DENND1B: variants seen among roughly 807,000 people sequenced by gnomAD.
DENND1B encodes the protein DENN domain-containing protein 1B.
DENND1B carries 59 observed loss-of-function variants against 90.1 expected under a neutral mutation model. The ratio of observed to expected loss-of-function variants is 0.65; its 90% CI spans 0.53 to 0.81. DENND1B has a LOEUF of 0.81. Ranked by LOEUF, DENND1B falls within the 40% of genes least tolerant of loss-of-function variation. DENND1B has a pLI of 0.00. For missense variants in DENND1B, 862 were observed against 912.6 expected (o/e 0.94, Z 0.71); for synonymous variants, 337 against 324.6 (o/e 1.04, Z -0.41).
intron 2 of DENND1B, among the ~76,000 whole-genome samples, chr1:197,732,172 C>T (rs897072451): frequency 1.3e-5 from 2 of 152,054 alleles, no homozygotes; most frequent in Non-Finnish European, 2.9e-5. Flanking sequence ...TTTTGTAATG[C>T]CATCCTTCTA....
chr1:197,589,043 T>A (rs1270208392), intron 14 of DENND1B, among the ~76,000 whole-genome samples: 1 of 152,156 alleles, frequency 6.6e-6, no homozygotes, highest in Non-Finnish European at 1.5e-5. Context: ...GGAACTAATT[T>A]TTCTAAATTA....
chr1:197,580,420 C>A (rs114595281), intron 15 of DENND1B, among the ~76,000 whole-genome samples: 2 of 151,784 alleles, frequency 1.3e-5, no homozygotes, highest in Non-Finnish European at 2.9e-5. Flanking sequence ...TGAGTCACTG[C>A]GCCTGGCCCT....
At chr1:197,545,715 C>G (rs1670763109) in intron 18 of DENND1B, 1 of 452,974 alleles carries the variant, frequency 2.2e-6, no homozygotes, top group Non-Finnish European at 3.9e-6. Context: ...AAATGAGAAC[C>G]ATTTTTAGAT....
rs892015593 is a variant in DENND1B, at chr1:197,747,095, G to A, written c.82+25773C>T. ...TTCCACTGGGTTTCATTTGAGAACT[G>A]TTCACTGTGAGATTCTTTTTCATTC... On this transcript the variant is annotated intron_variant, in intron 2 of 22. Coordinates refer to ENST00000620048, the MANE Select transcript of DENND1B (RefSeq NM_001195215.2). 5.2e-6 allele frequency: 4 copies of A among 774,008 alleles called. No homozygotes were observed. The East Asian group carries it at 7.4e-5, about 14-fold the overall frequency. 47.9% of individuals were successfully genotyped at this position (774,008 alleles called of 1,614,324 possible).
At chr1:197,615,181 T>C (rs945553642) in intron 11 of DENND1B, among the ~76,000 whole-genome samples, 2 of 151,128 alleles carry the variant, frequency 1.3e-5, no homozygotes, top group African/African-American at 4.8e-5. Flanking sequence ...TTGCTATCTG[T>C]GAATCTTGCA....
intron 3 of DENND1B, among the ~76,000 whole-genome samples, chr1:197,678,227 T>C (rs189148200): frequency 3.3e-5 from 5 of 152,310 alleles, no homozygotes; most frequent in African/African-American, 4.8e-5. Context: ...ACGAGTGAAG[T>C]ATATTATATT....
At chr1:197,601,151 G>A (rs1293870211) in intron 13 of DENND1B, among the ~76,000 whole-genome samples, 1 of 151,652 alleles carries the variant, frequency 6.6e-6, no homozygotes, top group Admixed American at 6.6e-5. Flanking sequence ...TAAACTCTAT[G>A]AAATCAGGGT....
intron 3 of DENND1B, among the ~76,000 whole-genome samples, chr1:197,675,814 T>A (rs1011722874): frequency 7.9e-5 from 12 of 152,078 alleles, no homozygotes; most frequent in Non-Finnish European, 1.8e-4. Flanking sequence ...CAAAATTCAA[T>A]ATCTCCCTCT....
In DENND1B at chr1:197,732,863, G is replaced by A. The variant is rs77715322; in HGVS notation, c.83-17789C>T. ...CAATATAAGATCAGACAGAGCCTCC[G>A]GATTCTTTGTACACTAAGATGCAAC... is the stretch of plus-strand genomic sequence containing the variant. On this transcript the variant is annotated intron_variant, in intron 2 of 22. Coordinates refer to ENST00000620048, the MANE Select transcript of DENND1B (RefSeq NM_001195215.2). 8.4e-3 allele frequency among the ~76,000 whole-genome samples: 1,284 copies of A among 152,178 alleles called. 19 individuals carry two copies. Among genetic ancestry groups the A allele is most frequent in the African/African-American group, 0.028 (1,179 of 41,522 alleles).
intron 13 of DENND1B, among the ~76,000 whole-genome samples, chr1:197,597,024 C>T (rs1377266861): frequency 6.6e-6 from 1 of 151,240 alleles, no homozygotes; most frequent in African/African-American, 2.4e-5. Flanking sequence ...AGGTCTTCTC[C>T]CCATAGCTGT....
chr1:197,696,643 T>C (rs1255857976), intron 3 of DENND1B, among the ~76,000 whole-genome samples: 4 of 151,544 alleles, frequency 2.6e-5, no homozygotes, highest in Non-Finnish European at 5.9e-5. Flanking sequence ...AAATTTAAGG[T>C]GAAACACCAC....
In DENND1B at chr1:197,507,731, A is replaced by G. The variant is rs557469800; in HGVS notation, c.*2729T>C. Reference sequence around the variant, plus strand: ...ATAGAAAATATGGGCACTGTAGAATATAACACTTTCCTTTATTTCGGAACT... The same window carrying G: ...ATAGAAAATATGGGCACTGTAGAATGTAACACTTTCCTTTATTTCGGAACT... On this transcript the variant is annotated 3_prime_UTR_variant, in exon 23 of 23. Transcript: ENST00000620048. 10 of 151,666 alleles carry G rather than the reference A, an allele frequency of 6.6e-5. No homozygotes were observed. The highest frequency in any genetic ancestry group is 2.6e-4 in the Admixed American group (4 of 15,172). 9.4% of individuals were successfully genotyped at this position (151,666 alleles called of 1,614,324 possible). A position where few individuals can be genotyped will look rare whatever the true frequency, so the allele number is the denominator to read the frequency against.
intron 3 of DENND1B, among the ~76,000 whole-genome samples, chr1:197,679,780 T>C (rs1422447346): frequency 6.7e-6 from 1 of 149,416 alleles, no homozygotes; most frequent in African/African-American, 2.5e-5. Context: ...TCAAAGTGTA[T>C]ATATAAGAAT....
chr1:197,586,124 G>A (rs1674671310), intron 14 of DENND1B, among the ~76,000 whole-genome samples: 1 of 151,994 alleles, frequency 6.6e-6, no homozygotes, highest in African/African-American at 2.4e-5. Context: ...AGTCATTATT[G>A]TCACTCTTCA....
rs1389414402 is a variant in DENND1B at position 197,549,884 on chromosome 1, A to G, written c.1241-3111T>C. ...AATGCATGTATTCACAGATTCTTTA[A>G]CCATACAGTTCCAGATTCAAATGTG... is the stretch of plus-strand genomic sequence containing the variant. On this transcript the variant is annotated intron_variant, in intron 16 of 22. Transcript: ENST00000620048. Among the ~76,000 whole-genome samples, 9 of 152,120 alleles carry G rather than the reference A, an allele frequency of 5.9e-5. No individual in the cohort carries two copies. The East Asian group carries it at 9.6e-4, about 16-fold the overall frequency.
intron 3 of DENND1B, among the ~76,000 whole-genome samples, chr1:197,706,155 A>G (rs1659513050): frequency 6.6e-6 from 1 of 152,206 alleles, no homozygotes; most frequent in Non-Finnish European, 1.5e-5. Flanking sequence ...CTGTGGACTT[A>G]AATTATAGCT....
intron 20 of DENND1B, among the ~76,000 whole-genome samples, chr1:197,522,338 A>G (rs1668834558): frequency 6.6e-6 from 1 of 152,096 alleles, no homozygotes; most frequent in Non-Finnish European, 1.5e-5. Context: ...AATTTTACAC[A>G]AGCATCAGAA....
intron 3 of DENND1B, 100 bp from the exon 4 acceptor site, chr1:197,674,269 T>G (rs1303409163): frequency 1.2e-5 from 10 of 803,588 alleles, no homozygotes; most frequent in Non-Finnish European, 2.0e-5. Flanking sequence ...AAAAGATGCT[T>G]TCTTTGTCCT....
At chr1:197,676,369 A>G (rs961467334) in intron 3 of DENND1B, among the ~76,000 whole-genome samples, 2 of 152,082 alleles carry the variant, frequency 1.3e-5, no homozygotes, top group African/African-American at 4.8e-5. Context: ...ATTTATTACA[A>G]AAGTGTGTGT....
Sources: gnomAD v4.1 joint callset for allele counts (sites outside exome capture counted in the v4.1 genomes callset) on GRCh38, gnomAD v4.1.1 for gene constraint, MANE v1.5 for transcripts, NCBI Gene and HGNC (gene_info 2026-07-23, HGNC 2026-07-21) for gene names.